TATDN2: variants seen among roughly 807,000 people sequenced by gnomAD.
The protein encoded by TATDN2 is TatD DNase domain containing 2.
Under a neutral mutation model 60.3 loss-of-function variants are expected in TATDN2, and 44 were observed. The ratio of observed to expected loss-of-function variants is 0.73; its 90% confidence interval spans 0.57 to 0.94. TATDN2 has a LOEUF of 0.94. Among genes scored for constraint, TATDN2 ranks in the 40% least tolerant of loss-of-function variants. The probability of loss-of-function intolerance (pLI) is 0.00; values close to 1 mark genes in which losing one functional copy is unlikely to be tolerated. For missense variants in TATDN2, 997 were observed against 948.0 expected, an observed-to-expected ratio of 1.05 and a Z score of -0.68; for synonymous variants, 399 against 355.8, an observed-to-expected ratio of 1.12 and a Z score of -1.37.
intron 2 of TATDN2, among the ~76,000 whole-genome samples, chr3:10,254,491 G>T (rs1698276018): frequency 6.6e-6 from 1 of 152,228 alleles, no homozygotes; most frequent in Non-Finnish European, 1.5e-5. Flanking sequence ...TTTGGAGGAA[G>T]GCAGGAGATG....
intron 3 of TATDN2, among the ~76,000 whole-genome samples, chr3:10,265,257 A>T (rs1238567636): frequency 6.8e-6 from 1 of 146,804 alleles, no homozygotes; most frequent in Non-Finnish European, 1.5e-5. Flanking sequence ...TTGTATGTTT[A>T]GCAGAGACAG....
chr3:10,252,683 G>A (rs374587615), intron 2 of TATDN2, among the ~76,000 whole-genome samples: 1 of 147,208 alleles, frequency 6.8e-6, no homozygotes, highest in Non-Finnish European at 1.5e-5. Flanking sequence ...TCCTGTGTCT[G>A]CTCTGTAAAC....
In TATDN2 at chr3:10,260,135, A is replaced by C. The variant is rs754632769; in HGVS notation, c.415-2A>C. The C allele has an allele frequency of 1.9e-6, 3 of 1,587,964 alleles. No homozygotes were observed. The highest frequency in any genetic ancestry group is 2.6e-6 in the Non-Finnish European group (3 of 1,171,138). On this transcript the variant is annotated splice_acceptor_variant, in intron 2 of 7. Transcript: ENST00000448281. LOFTEE classifies it high-confidence loss of function. ...CTTTCAATTCTGTTTTTTTTTTCCC[A>C]GGTTGATTCCAAAGATAGTTCTCAT...
At position 10,260,372 on chromosome 3, in the gene TATDN2, A is replaced by C. The variant is rs2241314; in HGVS notation, c.650A>C (p.His217Pro). 7.4e-6 allele frequency: 12 copies of C among 1,613,854 alleles called. No homozygotes were observed. Among genetic ancestry groups the C allele is most frequent in the Admixed American group, 1.7e-5 (1 of 59,944 alleles). Residue 217 changes from histidine (H) to proline (P), a missense_variant, in exon 3 of 8, where the codon CAT (histidine) becomes CCT (proline). By Grantham distance (77) the His-to-Pro change is moderately conservative. Transcript: ENST00000448281. ...ATRAKPSAAE[H>P]PSHGEGPARS... ...CGGGCAAAACCAAGCGCAGCAGAGC[A>C]TCCCAGCCATGGAGAAGGACCAGCC... is the stretch of plus-strand genomic sequence containing the variant.
intron 2 of TATDN2, among the ~76,000 whole-genome samples, chr3:10,252,447 A>T (rs1038501469): frequency 6.6e-6 from 1 of 152,194 alleles, no homozygotes; most frequent in Non-Finnish European, 1.5e-5. Context: ...TTCCTGGAGT[A>T]TATGTTTGTC....
rs114832175 is a variant in TATDN2 at position 10,260,131 on chromosome 3, T to C, written c.415-6T>C. ...AGCCCTTTCAATTCTGTTTTTTTTTTCCCAGGTTGATTCCAAAGATAGTTC... is the reference window on the plus strand; with the variant it reads ...AGCCCTTTCAATTCTGTTTTTTTTTCCCCAGGTTGATTCCAAAGATAGTTC... On this transcript the variant is annotated splice_polypyrimidine_tract_variant and splice_region_variant and intron_variant, in intron 2 of 7. Transcript: ENST00000448281. 1.2e-3 allele frequency: 1,868 copies of C among 1,592,832 alleles called. 10 individuals are homozygous for C. In the African/African-American group the frequency reaches 0.02, roughly 17 times the overall value.
At chr3:10,267,773 A>G (rs1391746369) in intron 3 of TATDN2, among the ~76,000 whole-genome samples, 4 of 152,186 alleles carry the variant, frequency 2.6e-5, no homozygotes, top group East Asian at 1.9e-4. Flanking sequence ...ACCACCTCCA[A>G]TTATTTTGCA....
intron 5 of TATDN2, among the ~76,000 whole-genome samples, chr3:10,276,914 C>T (rs1395564856): frequency 1.3e-5 from 2 of 151,968 alleles, no homozygotes; most frequent in Non-Finnish European, 2.9e-5. Context: ...AAAGAATTAA[C>T]TATTAGGTTA....
Position 10,276,508 on chromosome 3 carries a change from A to G in TATDN2, c.1961+20A>G, listed in dbSNP as rs368966520. 115 of 1,612,294 alleles carry G rather than the reference A, an allele frequency of 7.1e-5. No individual in the cohort carries two copies. Among genetic ancestry groups the G allele is most frequent in the African/African-American group, 6.8e-4 (51 of 74,508 alleles). Reference sequence around the variant, plus strand: ...CCATAGGTTAGAAGACTGGAACTTCAGCGGGCAAATGAAAGAAACACTTCC... The same window carrying G: ...CCATAGGTTAGAAGACTGGAACTTCGGCGGGCAAATGAAAGAAACACTTCC... On this transcript the variant is annotated intron_variant, in intron 5 of 7. Coordinates refer to ENST00000448281, the MANE Select transcript of TATDN2 (RefSeq NM_014760.4).
rs975985351 is a variant in TATDN2 at position 10,249,085 on chromosome 3, C to T, written c.-7+18C>T. On this transcript the variant is annotated intron_variant, in intron 1 of 7. Transcript: ENST00000448281. ...AGGGAAAGGTCAGTGAGGCTAGCCC[C>T]TGGCTCTGCCCTTATGTCTTGCCGT... 1.4e-5 allele frequency: 18 copies of T among 1,282,764 alleles called. No homozygotes were observed. The Admixed American group carries it at 2.2e-4, about 16-fold the overall frequency. 79.5% of individuals were successfully genotyped at this position (1,282,764 alleles called of 1,614,324 possible).
chr3:10,251,887 G>A (rs1303556606), intron 2 of TATDN2, among the ~76,000 whole-genome samples: 1 of 147,808 alleles, frequency 6.8e-6, no homozygotes, highest in Non-Finnish European at 1.5e-5. Context: ...GGTGGCTCAC[G>A]CCTGTAATCC....
chr3:10,254,183 A>G (rs1313588856), intron 2 of TATDN2, among the ~76,000 whole-genome samples: 3 of 152,208 alleles, frequency 2.0e-5, no homozygotes, highest in Non-Finnish European at 4.4e-5. Flanking sequence ...CAATCGGGCC[A>G]TGCTTCACAG....
intron 3 of TATDN2, among the ~76,000 whole-genome samples, chr3:10,266,979 G>A (rs1698486434): frequency 7.2e-6 from 1 of 137,944 alleles, no homozygotes; most frequent in Non-Finnish European, 1.5e-5. Flanking sequence ...CACCCAGGTT[G>A]GAGTACAGTG....
At chr3:10,254,973 C>T in intron 2 of TATDN2, among the ~76,000 whole-genome samples, 1 of 150,960 alleles carries the variant, frequency 6.6e-6, no homozygotes, top group South Asian at 2.1e-4. Flanking sequence ...CACTTTCTCT[C>T]TTTTTTTCCC....
intron 2 of TATDN2, among the ~76,000 whole-genome samples, chr3:10,257,400 G>A (rs1698324299): frequency 6.6e-6 from 1 of 150,482 alleles, no homozygotes; most frequent in South Asian, 2.1e-4. Context: ...GGAGGCCGAG[G>A]TGGGTGGATC....
chr3:10,260,553 A>G lies in TATDN2; in HGVS notation c.831A>G (p.Ile277Met), dbSNP rs1698386450. Residue 277 changes from isoleucine to methionine, a missense_variant, in exon 3 of 8, where the codon ATA becomes ATG. Transcript: ENST00000448281. ...GCTTCTATGACAGGAGAGTAGTTAT[A>G]GACCCTCAAGAGAAACCCAGTGAGG... is the stretch of plus-strand genomic sequence containing the variant. ...RSSFYDRRVV[I>M]DPQEKPSEEP... is the part of the protein sequence containing the mutation. The G allele has an allele frequency of 6.2e-7, 1 of 1,614,196 alleles. No homozygotes were observed. The highest frequency in any genetic ancestry group is 1.3e-5 in the African/African-American group (1 of 75,048).
intron 2 of TATDN2, among the ~76,000 whole-genome samples, chr3:10,257,056 A>G (rs1244063033): frequency 6.6e-6 from 1 of 151,724 alleles, no homozygotes; most frequent in Non-Finnish European, 1.5e-5. Flanking sequence ...GCACTTTGGG[A>G]GGCCAAGGCG....
chr3:10,279,169 GT>G (rs1698686961), intron 7 of TATDN2, 51 bp from the exon 8 acceptor site: 1 of 1,178,796 alleles, frequency 8.5e-7, no homozygotes, highest in African/African-American at 1.6e-5. Flanking sequence ...AGCCTGATTT[GT>G]TTTGAGTGAC....
In TATDN2 at chr3:10,275,775, AAAC is replaced by A. The variant is rs376240715; in HGVS notation, c.1834-583_1834-581del. Among the ~76,000 whole-genome samples the A allele has an allele frequency of 2.5e-3, 293 of 118,464 alleles. 2 individuals carry two copies. Among genetic ancestry groups the A allele is most frequent in the African/African-American group, 7.8e-3 (266 of 34,008 alleles). The allele number at this position is 118,464 out of a possible 152,430, so 77.7% of individuals were successfully genotyped here. A position where few individuals can be genotyped will look rare whatever the true frequency, so the allele number is the denominator to read the frequency against. Reference sequence around the variant, plus strand: ...AAACAAAACAAAACAAAACAAAAAAAAACAAAGCAAGTTGTAGAAAATAAGTGT... The same window carrying A: ...AAACAAAACAAAACAAAACAAAAAAAAAAGCAAGTTGTAGAAAATAAGTGT... On this transcript the variant is annotated intron_variant, in intron 4 of 7. Transcript: ENST00000448281.
Sources: allele counts gnomAD v4.1 joint callset (sites outside exome capture counted in the v4.1 genomes callset), GRCh38; gene constraint gnomAD v4.1.1; transcripts MANE v1.5; gene names NCBI Gene and HGNC (gene_info 2026-07-23, HGNC 2026-07-21).